MME: variants seen among roughly 807,000 people sequenced by gnomAD.
MME encodes the protein neprilysin.
Under a neutral mutation model 113.2 loss-of-function variants are expected in MME, and 98 were observed. That is an observed-to-expected ratio of 0.87 (90% CI 0.74 to 1.02). MME has a LOEUF of 1.02. MME is among the 50% of genes least tolerant of loss of function. The pLI is 0.00. For synonymous variants in MME, 292 were observed against 300.6 expected (o/e 0.97, Z 0.30); for missense variants, 836 against 896.0 (o/e 0.93, Z 0.86).
intron 3 of MME, among the ~76,000 whole-genome samples, chr3:155,086,994 T>TG (rs1491085736): frequency 2.4e-4 from 27 of 111,232 alleles, no homozygotes; most frequent in African/African-American, 6.3e-4. Flanking sequence ...TTGTTTTTTT[T>TG]GTTTTTTTTT....
chr3:155,178,929 A>G (rs1576681177), intron 22 of MME, among the ~76,000 whole-genome samples: 1 of 152,190 alleles, frequency 6.6e-6, no homozygotes, highest in East Asian at 1.9e-4. Context: ...TCAAGGATAC[A>G]AAGGCTGTAT....
chr3:155,166,115 G>C (rs1723074998), intron 17 of MME, among the ~76,000 whole-genome samples: 2 of 152,096 alleles, frequency 1.3e-5, no homozygotes, highest in Non-Finnish European at 2.9e-5. Flanking sequence ...CACATTTCCT[G>C]AGCCCTGATT....
chr3:155,148,382 T>A (rs1241592783), intron 15 of MME, among the ~76,000 whole-genome samples, 168 bp from the exon 16 acceptor site: 3 of 152,164 alleles, frequency 2.0e-5, no homozygotes, highest in African/African-American at 7.2e-5. Context: ...ACCTGTGATA[T>A]ACTAATAGAA....
intron 1 of MME, among the ~76,000 whole-genome samples, chr3:155,024,521 A>G (rs1453194339): frequency 6.6e-6 from 1 of 152,198 alleles, no homozygotes; most frequent in South Asian, 2.1e-4. Context: ...AAGAATAATA[A>G]ATAGAGCTGG....
chr3:155,179,359 A>C (rs900585919), intron 22 of MME, among the ~76,000 whole-genome samples: 2 of 152,192 alleles, frequency 1.3e-5, no homozygotes, highest in Non-Finnish European at 2.9e-5. Context: ...AGTCCATGGA[A>C]GGTTTTAAAT....
In MME at chr3:155,172,564, A is replaced by G; in HGVS notation, c.2105A>G (p.Tyr702Cys). The change falls in exon 22 of 23, where the codon TAT becomes TGT. Residue 702 changes from tyrosine to cysteine, a missense_variant. Physicochemically the swap from Tyr to Cys is radical, Grantham distance 194 (BLOSUM62 -2). Transcript: ENST00000360490. ...TGGTGTGGAACCTATAGGCCAGAGTATGCGGTTAACTCCATTAAAACAGAT... is the reference window on the plus strand; with the variant it reads ...TGGTGTGGAACCTATAGGCCAGAGTGTGCGGTTAACTCCATTAAAACAGAT... Reference protein sequence around the residue: ...QVWCGTYRPEYAVNSIKTDVH... With the variant: ...QVWCGTYRPECAVNSIKTDVH... 1 of 1,613,046 alleles carries G rather than the reference A, an allele frequency of 6.2e-7. No individual in the cohort carries two copies.
intron 1 of MME, among the ~76,000 whole-genome samples, chr3:155,052,234 A>G (rs1713788400): frequency 6.6e-6 from 1 of 152,118 alleles, no homozygotes; most frequent in Non-Finnish European, 1.5e-5. Context: ...CAGGTGCAGA[A>G]TGTAAGCTGT....
intron 18 of MME, among the ~76,000 whole-genome samples, chr3:155,168,044 A>G (rs1488779124): frequency 6.6e-6 from 1 of 152,214 alleles, no homozygotes; most frequent in Non-Finnish European, 1.5e-5. Context: ...TAGGAGAAAA[A>G]GACTTTTTTT....
chr3:155,110,355 A>C (rs1295988527), intron 3 of MME, among the ~76,000 whole-genome samples: 2 of 152,318 alleles, frequency 1.3e-5, no homozygotes, highest in Admixed American at 1.3e-4. Context: ...AAAGTGGTGG[A>C]GCTCTGGGAT....
At chr3:155,137,066 A>G (rs1720693436) in intron 8 of MME, among the ~76,000 whole-genome samples, 1 of 152,228 alleles carries the variant, frequency 6.6e-6, no homozygotes, top group Non-Finnish European at 1.5e-5. Context: ...TGAGGCATTT[A>G]TATATTCTGT....
chr3:155,047,823 C>T (rs1450679116), intron 1 of MME, among the ~76,000 whole-genome samples: 1 of 152,062 alleles, frequency 6.6e-6, no homozygotes, highest in Non-Finnish European at 1.5e-5. Context: ...TCTGTAGAAG[C>T]CAGTCCGATT....
intron 22 of MME, among the ~76,000 whole-genome samples, chr3:155,178,062 C>T (rs1712732767): frequency 6.6e-6 from 1 of 152,146 alleles, no homozygotes; most frequent in African/African-American, 2.4e-5. Context: ...GAGCAGGAAG[C>T]ATCTTCTTGT....
intron 16 of MME, among the ~76,000 whole-genome samples, chr3:155,150,778 T>C (rs896904050): frequency 6.6e-6 from 1 of 152,210 alleles, no homozygotes; most frequent in Admixed American, 6.5e-5. Flanking sequence ...TATTCAATTT[T>C]ATGGAATTTT....
intron 1 of MME, among the ~76,000 whole-genome samples, chr3:155,030,045 G>T (rs956189129): frequency 6.6e-6 from 1 of 152,056 alleles, no homozygotes; most frequent in Non-Finnish European, 1.5e-5. Context: ...TCCTCAATTT[G>T]CATGCCCAAA....
intron 16 of MME, among the ~76,000 whole-genome samples, chr3:155,159,179 C>T (rs1218313596): frequency 1.3e-5 from 2 of 152,034 alleles, no homozygotes; most frequent in African/African-American, 2.4e-5. Flanking sequence ...TAGTTACTGA[C>T]ATTGTAACTA....
At chr3:155,053,674 G>A (rs1713833661) in intron 1 of MME, among the ~76,000 whole-genome samples, 1 of 152,164 alleles carries the variant, frequency 6.6e-6, no homozygotes, top group South Asian at 2.1e-4. Flanking sequence ...GCAGAGAGAA[G>A]ACAAAATGAA....
At chr3:155,140,051 G>A (rs1368088380) in intron 9 of MME, 140 bp from the exon 10 acceptor site, 4 of 507,950 alleles carry the variant, frequency 7.9e-6, no homozygotes, top group Non-Finnish European at 1.4e-5. Flanking sequence ...TTTTTGAAAT[G>A]ACAAAACAAA....
At chr3:155,154,389 T>G (rs1722166932) in intron 16 of MME, among the ~76,000 whole-genome samples, 1 of 152,090 alleles carries the variant, frequency 6.6e-6, no homozygotes, top group African/African-American at 2.4e-5. Flanking sequence ...TGCCTAATAC[T>G]CTTTTAGTGT....
chr3:155,032,339 A>G (rs1712999146), intron 1 of MME, among the ~76,000 whole-genome samples: 1 of 152,240 alleles, frequency 6.6e-6, no homozygotes, highest in Non-Finnish European at 1.5e-5. Context: ...TTTAAAAAGA[A>G]GTTGTTTCTC....
Sources: allele counts gnomAD v4.1 joint callset (sites outside exome capture counted in the v4.1 genomes callset), GRCh38; gene constraint gnomAD v4.1.1; transcripts MANE v1.5; gene names NCBI Gene and HGNC (gene_info 2026-07-23, HGNC 2026-07-21).